Variants in RANBP17 observed in about 807,000 individuals in gnomAD.
The protein encoded by RANBP17 is ran-binding protein 17.
RANBP17 carries 158 observed loss-of-function variants against 141.2 expected under a neutral mutation model. The ratio of observed to expected loss-of-function variants is 1.12; its 90% CI spans 0.98 to 1.28. The LOEUF (loss-of-function observed/expected upper bound fraction) is 1.28. RANBP17 is among the 50% of genes most tolerant of loss of function. RANBP17 has a pLI of 0.00. For synonymous variants in RANBP17, 430 were observed against 450.0 expected, an observed-to-expected ratio of 0.96 and a Z score of 0.56; for missense variants, 1,438 against 1,290.7, an observed-to-expected ratio of 1.11 and a Z score of -1.75.
intron 24 of RANBP17, among the ~76,000 whole-genome samples, chr5:171,254,378 G>A (rs1182724209): frequency 6.6e-6 from 1 of 152,030 alleles, no homozygotes; most frequent in African/African-American, 2.4e-5. Context: ...GGAAAATCAT[G>A]TCATAGCATT....
At chr5:171,089,758 A>C (rs1209757089) in intron 14 of RANBP17, among the ~76,000 whole-genome samples, 1 of 152,194 alleles carries the variant, frequency 6.6e-6, no homozygotes, top group Non-Finnish European at 1.5e-5. Flanking sequence ...TGACTCGGAA[A>C]GGGAACTCCC....
In RANBP17 at chr5:170,924,230, A is replaced by G. The variant is rs115330007; in HGVS notation, c.1275-127A>G. The G allele has an allele frequency of 1.4e-3, 826 of 596,464 alleles. 7 individuals are homozygous for G. The highest frequency in any genetic ancestry group is 0.014 in the African/African-American group (736 of 54,116). The allele number at this position is 596,464 out of a possible 1,614,324, so 36.9% of individuals were successfully genotyped here. On this transcript the variant is annotated intron_variant, in intron 11 of 27. Coordinates refer to ENST00000523189, the MANE Select transcript of RANBP17 (RefSeq NM_022897.5). ...GACTGGTCTCAAACTCCTGGCCCCA[A>G]GTGAACCTCCTGCCTCTGTCTTTTA...
At chr5:171,133,252 AAT>A (rs1249697806) in intron 14 of RANBP17, among the ~76,000 whole-genome samples, 1 of 152,188 alleles carries the variant, frequency 6.6e-6, no homozygotes, top group African/African-American at 2.4e-5. Context: ...TTTGAAAAAT[AAT>A]ACATTTACAC....
At chr5:170,876,674 C>T (rs1401834641) in intron 1 of RANBP17, among the ~76,000 whole-genome samples, 3 of 151,534 alleles carry the variant, frequency 2.0e-5, no homozygotes, top group Admixed American at 6.6e-5. Flanking sequence ...GCTATAAAAG[C>T]GCTAAGAAGG....
intron 18 of RANBP17, among the ~76,000 whole-genome samples, chr5:171,189,630 ACAAAT>A (rs1381280300): frequency 6.6e-6 from 1 of 152,218 alleles, no homozygotes; most frequent in Non-Finnish European, 1.5e-5. Context: ...CCAAGACAAA[ACAAAT>A]CAAGTGGCTG....
intron 24 of RANBP17, among the ~76,000 whole-genome samples, chr5:171,261,468 G>A (rs920562382): frequency 1.3e-5 from 2 of 152,132 alleles, no homozygotes. Flanking sequence ...TTGAGCTTAA[G>A]GCAGATTTCG....
rs535419365 is a variant in RANBP17 at position 170,927,265 on chromosome 5, A to AAC, written c.1468+2716_1468+2717insCA. On this transcript the variant is annotated intron_variant, in intron 12 of 27. Transcript: ENST00000523189. Reference sequence around the variant, plus strand: ...TGTTTCCATGTATCCTTCATAGGACAATATATATATATTTTTATTATACTT... The same window carrying AAC: ...TGTTTCCATGTATCCTTCATAGGACAACATATATATATATTTTTATTATACTT... Among the ~76,000 whole-genome samples the AAC allele has an allele frequency of 3.6e-3, 554 of 151,974 alleles. 3 individuals are homozygous for AAC. Among genetic ancestry groups the AAC allele is most frequent in the South Asian group, 7.7e-3 (37 of 4,810 alleles).
In RANBP17 at chr5:171,118,358, G is replaced by A. The variant is rs141320947; in HGVS notation, c.1711-51772G>A. 4.1e-4 allele frequency among the ~76,000 whole-genome samples: 63 copies of A among 151,992 alleles called. No homozygotes were observed. The East Asian group carries it at 7.3e-3, about 18-fold the overall frequency. ...GCCTGCAGCTTTATTCTTTTTACTC[G>A]ATGTCATTTTGGCTATATTTGGGGT... On this transcript the variant is annotated intron_variant, in intron 14 of 27. Transcript: ENST00000523189.
At position 171,213,736 on chromosome 5, in the gene RANBP17, C is replaced by T; in HGVS notation, c.2337C>T (p.Asn779=). Residue 779 remains asparagine, a splice_region_variant and synonymous_variant, in exon 21 of 28, where the codon AAC becomes AAT. Transcript: ENST00000523189. ...ILKLMAELMQ[N]RSQRLNFDVS... ...AACTTATGGCAGAACTTATGCAAAA[C>T]AGGTAAGCAGTGTGACAGGCAGTGA... 1.2e-6 allele frequency: 2 copies of T among 1,603,568 alleles called. No homozygotes were observed. Among genetic ancestry groups the T allele is most frequent in the Non-Finnish European group, 8.5e-7 (1 of 1,170,536 alleles).
At chr5:171,055,974 T>G (rs1455188124) in intron 14 of RANBP17, among the ~76,000 whole-genome samples, 1 of 151,418 alleles carries the variant, frequency 6.6e-6, no homozygotes, top group African/African-American at 2.4e-5. Context: ...ACAAATAGTT[T>G]CGAAATTCTG....
At chr5:170,998,302 C>T (rs1351899649) in intron 14 of RANBP17, among the ~76,000 whole-genome samples, 1 of 152,022 alleles carries the variant, frequency 6.6e-6, no homozygotes, top group Non-Finnish European at 1.5e-5. Context: ...CACGTTGGAG[C>T]AATTGCCATT....
intron 14 of RANBP17, among the ~76,000 whole-genome samples, chr5:170,977,675 G>A (rs1361140489): frequency 6.6e-6 from 1 of 152,058 alleles, no homozygotes; most frequent in Non-Finnish European, 1.5e-5. Flanking sequence ...AAGGAATGAA[G>A]TACTGATAGA....
intron 12 of RANBP17, among the ~76,000 whole-genome samples, chr5:170,934,486 GT>G (rs1773685943): frequency 6.6e-6 from 1 of 151,856 alleles, no homozygotes; most frequent in African/African-American, 2.4e-5. Context: ...CACGTTTAGT[GT>G]AAGGCAGGCC....
At chr5:171,102,575 C>G (rs1261028035) in intron 14 of RANBP17, among the ~76,000 whole-genome samples, 1 of 152,030 alleles carries the variant, frequency 6.6e-6, no homozygotes, top group Non-Finnish European at 1.5e-5. Flanking sequence ...TTATTACGCA[C>G]TTTCTGAAGC....
intron 18 of RANBP17, among the ~76,000 whole-genome samples, chr5:171,198,201 A>T (rs999986376): frequency 6.6e-6 from 1 of 152,254 alleles, no homozygotes; most frequent in African/African-American, 2.4e-5. Context: ...TTAACAGAGA[A>T]GAGTGTATCT....
intron 12 of RANBP17, among the ~76,000 whole-genome samples, chr5:170,947,816 A>T (rs1162020910): frequency 2.0e-5 from 3 of 152,046 alleles, no homozygotes; most frequent in African/African-American, 7.2e-5. Flanking sequence ...GGTCTTCTTA[A>T]ATGGTGGCAG....
rs183100789 is a variant in RANBP17 at position 171,126,165 on chromosome 5, G to T, written c.1711-43965G>T. ...TAAAACTAGAAATTAGTAATGAGAA[G>T]AACTTTGCAAACTGTACAAATACAT... is the stretch of plus-strand genomic sequence containing the variant. On this transcript the variant is annotated intron_variant, in intron 14 of 27. Transcript: ENST00000523189. Among the ~76,000 whole-genome samples, 718 of 152,206 alleles carry T rather than the reference G, an allele frequency of 4.7e-3. 4 individuals are homozygous for T. Among genetic ancestry groups the T allele is most frequent in the African/African-American group, 0.017 (697 of 41,526 alleles).
At chr5:171,237,421 A>G (rs1764610181) in intron 22 of RANBP17, among the ~76,000 whole-genome samples, 1 of 152,222 alleles carries the variant, frequency 6.6e-6, no homozygotes, top group Admixed American at 6.5e-5. Context: ...GGAATTCCAT[A>G]GTACTTGTGC....
rs188389842 is a variant in RANBP17 at position 171,028,165 on chromosome 5, A to G, written c.1710+59788A>G. On this transcript the variant is annotated intron_variant, in intron 14 of 27. Coordinates refer to ENST00000523189, the MANE Select transcript of RANBP17 (RefSeq NM_022897.5). Reference sequence around the variant, plus strand: ...TTTTTAATTTAAAAATAAAAAATTAATAGTGTTGATGGGGGGTGGAATAGA... The same window carrying G: ...TTTTTAATTTAAAAATAAAAAATTAGTAGTGTTGATGGGGGGTGGAATAGA... 2.0e-5 allele frequency among the ~76,000 whole-genome samples: 3 copies of G among 152,238 alleles called. No individual in the cohort carries two copies. The East Asian group carries it at 5.8e-4, about 29-fold the overall frequency.
Sources: allele counts gnomAD v4.1 joint callset (sites outside exome capture counted in the v4.1 genomes callset), GRCh38; gene constraint gnomAD v4.1.1; transcripts MANE v1.5; gene names NCBI Gene and HGNC (gene_info 2026-07-23, HGNC 2026-07-21).